The following RNF24 variants were observed in gnomAD, a reference collection of about 807,000 sequenced individuals.
RNF24 encodes ring finger protein 24.
A neutral mutation model predicts 20.0 loss-of-function variants in RNF24; 14 were observed. That is an observed-to-expected ratio of 0.70 (90% CI 0.46 to 1.10). RNF24 has a LOEUF of 1.10. Among genes scored for constraint, RNF24 ranks in the 50% least tolerant of loss-of-function variants. The probability of loss-of-function intolerance (pLI) is 0.00; values close to 1 mark genes in which losing one functional copy is unlikely to be tolerated. For synonymous variants in RNF24, 45 were observed against 61.1 expected (o/e 0.74, Z 1.23); for missense variants, 124 against 177.6 (o/e 0.70, Z 1.71).
chr20:3,957,951 A>T (rs942680181), intron 2 of RNF24, among the ~76,000 whole-genome samples: 2 of 152,146 alleles, frequency 1.3e-5, no homozygotes, highest in Non-Finnish European at 2.9e-5. Flanking sequence ...CTATCTATTC[A>T]TGCTCAGTAT....
chr20:4,002,626 T>C (rs888746122), intron 1 of RNF24, among the ~76,000 whole-genome samples: 47 of 152,106 alleles, frequency 3.1e-4, no homozygotes, highest in African/African-American at 1.1e-3. Flanking sequence ...AAAGGATCAA[T>C]GAAAAAAGTC....
chr20:3,981,196 C>T (rs1208407823), intron 1 of RNF24, among the ~76,000 whole-genome samples: 1 of 152,086 alleles, frequency 6.6e-6, no homozygotes, highest in Non-Finnish European at 1.5e-5. Context: ...TTGATGGTTT[C>T]ATGATTTTGC....
At chr20:3,994,236 G>T (rs1485894480) in intron 1 of RNF24, among the ~76,000 whole-genome samples, 1 of 152,180 alleles carries the variant, frequency 6.6e-6, no homozygotes, top group African/African-American at 2.4e-5. Context: ...GAAATAAAGA[G>T]CCAGAGTGGC....
intron 1 of RNF24, among the ~76,000 whole-genome samples, chr20:3,985,263 A>G (rs1833090067): frequency 6.6e-6 from 1 of 152,068 alleles, no homozygotes; most frequent in Non-Finnish European, 1.5e-5. Flanking sequence ...CCAGATGTAT[A>G]TATTTGTTTG....
intron 2 of RNF24, among the ~76,000 whole-genome samples, chr20:3,953,690 CT>C (rs1054806045): frequency 1.3e-5 from 2 of 151,802 alleles, no homozygotes; most frequent in Admixed American, 1.3e-4. Context: ...TCTCGATCTC[CT>C]GACCTCGTGA....
chr20:3,955,984 C>A (rs1600651930), intron 2 of RNF24, among the ~76,000 whole-genome samples: 1 of 152,044 alleles, frequency 6.6e-6, no homozygotes, highest in East Asian at 1.9e-4. Context: ...ATCTTAGACT[C>A]TGAAAGTTTG....
At position 3,930,736 on chromosome 20, in the gene RNF24, A is replaced by G. The variant is rs998767532; in HGVS notation, c.*3327T>C. ...AGCGGGATCAGGCCAGGGAGATGAC[A>G]TGATTTTGAAGTGGGGTTGTGAAAA... is the stretch of plus-strand genomic sequence containing the variant. On this transcript the variant is annotated 3_prime_UTR_variant, in exon 6 of 6. Coordinates refer to ENST00000358395, the MANE Select transcript of RNF24 (RefSeq NM_001134337.3). 1 of 152,282 alleles carries G rather than the reference A, an allele frequency of 6.6e-6. No homozygotes were observed. Among genetic ancestry groups the G allele is most frequent in the Non-Finnish European group, 1.5e-5 (1 of 68,108 alleles). The allele number at this position is 152,282 out of a possible 1,614,324, so 9.4% of individuals were successfully genotyped here. A position where few individuals can be genotyped will look rare whatever the true frequency, so the allele number is the denominator to read the frequency against.
At chr20:3,965,991 G>A (rs2091252744) in intron 1 of RNF24, among the ~76,000 whole-genome samples, 1 of 151,952 alleles carries the variant, frequency 6.6e-6, no homozygotes, top group Non-Finnish European at 1.5e-5. Context: ...AAAATTAACT[G>A]GGCGTGGTGG....
At chr20:3,942,465 G>A (rs937591425) in intron 4 of RNF24, among the ~76,000 whole-genome samples, 16 of 151,292 alleles carry the variant, frequency 1.1e-4, no homozygotes, top group East Asian at 9.8e-4. Context: ...CACCGTGTCC[G>A]GCCTGGACAA....
intron 1 of RNF24, among the ~76,000 whole-genome samples, chr20:4,004,685 A>G (rs1981702288): frequency 6.6e-6 from 1 of 152,184 alleles, no homozygotes; most frequent in Non-Finnish European, 1.5e-5. Flanking sequence ...GGAGGCAAGG[A>G]AGGATTCCCC....
intron 1 of RNF24, among the ~76,000 whole-genome samples, chr20:4,006,917 G>C (rs1981919111): frequency 6.6e-6 from 1 of 152,250 alleles, no homozygotes; most frequent in African/African-American, 2.4e-5. Context: ...GGCTCTGCCA[G>C]CTGGCTTTCA....
At chr20:3,958,338 C>T (rs1384014032) in intron 2 of RNF24, among the ~76,000 whole-genome samples, 1 of 152,120 alleles carries the variant, frequency 6.6e-6, no homozygotes, top group Non-Finnish European at 1.5e-5. Flanking sequence ...CACTAAAATA[C>T]TTCCTTGATT....
At chr20:3,988,811 A>G (rs1980155353) in intron 1 of RNF24, among the ~76,000 whole-genome samples, 1 of 152,204 alleles carries the variant, frequency 6.6e-6, no homozygotes, top group Admixed American at 6.5e-5. Context: ...TTATTTGAAA[A>G]TGGCTGTATC....
intron 3 of RNF24, among the ~76,000 whole-genome samples, chr20:3,946,785 C>T (rs979117714): frequency 4.6e-5 from 7 of 152,010 alleles, no homozygotes; most frequent in African/African-American, 1.7e-4. Context: ...ATTTTGGATC[C>T]CACATGAGAC....
At position 3,963,944 on chromosome 20, in the gene RNF24, T is replaced by C. The variant is rs2091230213; in HGVS notation, c.74A>G (p.Tyr25Cys). 3.1e-6 allele frequency: 5 copies of C among 1,612,554 alleles called. No individual in the cohort carries two copies. Among genetic ancestry groups the C allele is most frequent in the East Asian group, 2.2e-5 (1 of 44,806 alleles). Residue 25 changes from tyrosine (Y) to cysteine (C), a missense_variant, in exon 2 of 6, where the codon TAT becomes TGT. Coordinates refer to ENST00000358395, the MANE Select transcript of RNF24 (RefSeq NM_001134337.3). ...IGFQNLPLNI[Y>C]IVVFGTAIFV... ...TATAGCAGTACCAAAAACCACAATA[T>C]ATATGTTGAGAGGCAGATTCTGGAA...
At chr20:3,983,057 C>G (rs1979559212) in intron 1 of RNF24, among the ~76,000 whole-genome samples, 6 of 152,138 alleles carry the variant, frequency 3.9e-5, no homozygotes, top group Admixed American at 3.3e-4. Context: ...ATGTGATGCC[C>G]TCCACCATGT....
At chr20:3,961,936 A>C (rs2091206579) in intron 2 of RNF24, among the ~76,000 whole-genome samples, 2 of 152,198 alleles carry the variant, frequency 1.3e-5, no homozygotes, top group Non-Finnish European at 2.9e-5. Context: ...ACTATTATTA[A>C]TTTATATTTG....
At chr20:4,014,739 G>GCACACACACACACACACA (rs146278311) in intron 1 of RNF24, among the ~76,000 whole-genome samples, 3 of 143,670 alleles carry the variant, frequency 2.1e-5, no homozygotes, top group African/African-American at 7.7e-5. Flanking sequence ...ACTTGAATGC[G>GCACACACACACACACACA]CACACACACA....
chr20:3,961,140 G>A (rs2091197465), intron 2 of RNF24, among the ~76,000 whole-genome samples: 1 of 152,142 alleles, frequency 6.6e-6, no homozygotes, highest in African/African-American at 2.4e-5. Flanking sequence ...GGTGGCTCAT[G>A]CCTATAATTT....
Sources: allele counts gnomAD v4.1 joint callset (sites outside exome capture counted in the v4.1 genomes callset), GRCh38; gene constraint gnomAD v4.1.1; transcripts MANE v1.5; gene names NCBI Gene and HGNC (gene_info 2026-07-23, HGNC 2026-07-21).